The following SORBS2 variants were observed in gnomAD, a reference collection of about 807,000 sequenced individuals.
SORBS2 encodes the protein sorbin and SH3 domain containing 2.
Under a neutral mutation model 97.7 loss-of-function variants are expected in SORBS2, and 46 were observed. That is an observed-to-expected ratio of 0.47 (90% CI 0.37 to 0.60). The LOEUF (loss-of-function observed/expected upper bound fraction) is 0.60. Ranked by LOEUF, SORBS2 falls within the 20% of genes least tolerant of loss-of-function variation. SORBS2 has a pLI of 0.00. For missense variants in SORBS2, 1,316 were observed against 1,282.3 expected (o/e 1.03, Z -0.40); for synonymous variants, 476 against 473.4 (o/e 1.01, Z -0.07).
At chr4:185,874,770 G>GTGGAATTC (rs1158631713) in intron 1 of SORBS2, among the ~76,000 whole-genome samples, 3 of 151,338 alleles carry the variant, frequency 2.0e-5, no homozygotes, top group Non-Finnish European at 4.4e-5. Context: ...GGCTGGAATT[G>GTGGAATTC]TGTGAGTGAC....
At chr4:185,657,374 G>C (rs1280312334), upstream of SORBS2, 17 of 1,449,166 alleles carry the variant, frequency 1.2e-5, no homozygotes, top group Non-Finnish European at 1.5e-5. Flanking sequence ...TCCGTCCTTT[G>C]TGGAGTCTGT....
In SORBS2 at chr4:185,840,563, A is replaced by G. The variant is rs1451265910; in HGVS notation, c.-337-65197T>C. Among the ~76,000 whole-genome samples the G allele has an allele frequency of 2.0e-5, 3 of 152,286 alleles. No homozygotes were observed. The East Asian group carries it at 5.8e-4, about 29-fold the overall frequency. ...CTTCTTCTATCAAATCCAACTAGGCAGGAGGAAACAAGATGTGTGACTCTT... is the reference window on the plus strand; with the variant it reads ...CTTCTTCTATCAAATCCAACTAGGCGGGAGGAAACAAGATGTGTGACTCTT... On this transcript the variant is annotated intron_variant, in intron 1 of 20. Transcript: ENST00000284776.
chr4:185,948,727 A>G (rs1007039186), intron 1 of SORBS2, among the ~76,000 whole-genome samples: 2 of 151,980 alleles, frequency 1.3e-5, no homozygotes, highest in African/African-American at 4.8e-5. Flanking sequence ...CATGTTGGCC[A>G]GACTGGTCTT....
chr4:185,590,398 G>T (rs1201588807), intron 13 of SORBS2, among the ~76,000 whole-genome samples: 1 of 152,176 alleles, frequency 6.6e-6, no homozygotes, highest in African/African-American at 2.4e-5. Context: ...TAATGTTATG[G>T]TTTGGATCAG....
chr4:185,848,434 T>G (rs1272753215), intron 1 of SORBS2, among the ~76,000 whole-genome samples: 1 of 152,140 alleles, frequency 6.6e-6, no homozygotes, highest in African/African-American at 2.4e-5. Flanking sequence ...TGTCAACAAC[T>G]GCTGTGACTG....
chr4:185,746,012 C>A (rs1431629550), intron 2 of SORBS2, among the ~76,000 whole-genome samples: 1 of 152,212 alleles, frequency 6.6e-6, no homozygotes, highest in Admixed American at 6.5e-5. Context: ...GAAAAGGAAG[C>A]AGCAGAAGAA....
intron 2 of SORBS2, among the ~76,000 whole-genome samples, chr4:185,703,539 A>G (rs1450480864): frequency 6.6e-6 from 1 of 152,174 alleles, no homozygotes; most frequent in African/African-American, 2.4e-5. Flanking sequence ...TTCTCATCAC[A>G]TTTTTCTTAC....
chr4:185,798,359 T>C (rs1226234379), intron 1 of SORBS2, among the ~76,000 whole-genome samples: 2 of 152,190 alleles, frequency 1.3e-5, no homozygotes, highest in African/African-American at 4.8e-5. Context: ...ATTGGCCCAA[T>C]ATCCTGGGTT....
At chr4:185,633,851 T>C (rs1293707796) in intron 4 of SORBS2, among the ~76,000 whole-genome samples, 1 of 152,070 alleles carries the variant, frequency 6.6e-6, no homozygotes, top group Non-Finnish European at 1.5e-5. Flanking sequence ...CCATTTCAGT[T>C]ATCTATGAAC....
At chr4:185,769,531 C>T (rs1026886232) in intron 2 of SORBS2, among the ~76,000 whole-genome samples, 41 of 152,276 alleles carry the variant, frequency 2.7e-4, no homozygotes, top group Middle Eastern at 3.4e-3. Context: ...GCTCTTGTTG[C>T]CCAGGCTGGA....
intron 1 of SORBS2, among the ~76,000 whole-genome samples, chr4:185,939,557 C>G (rs2099270807): frequency 6.6e-6 from 1 of 152,086 alleles, no homozygotes; most frequent in Non-Finnish European, 1.5e-5. Context: ...GTTGCCCAGG[C>G]TGGAGTGCGA....
chr4:185,838,985 A>C (rs74751081), intron 1 of SORBS2, among the ~76,000 whole-genome samples: 8,545 of 152,182 alleles, frequency 0.056, 361 homozygotes, highest in Middle Eastern at 0.088. Context: ...GCTGCTTTCC[A>C]TGGGGCATAA....
chr4:185,897,642 T>C (rs2099245685), intron 1 of SORBS2, among the ~76,000 whole-genome samples: 1 of 152,158 alleles, frequency 6.6e-6, no homozygotes, highest in African/African-American at 2.4e-5. Context: ...CCATAACTAC[T>C]GCAGTCTGAA....
At chr4:185,876,976 C>T (rs2099234025) in intron 1 of SORBS2, among the ~76,000 whole-genome samples, 1 of 152,156 alleles carries the variant, frequency 6.6e-6, no homozygotes, top group Non-Finnish European at 1.5e-5. Flanking sequence ...TGCTTTTAGT[C>T]ATGGTTGTAG....
intron 2 of SORBS2, among the ~76,000 whole-genome samples, chr4:185,763,925 C>T (rs888121664): frequency 3.9e-5 from 6 of 152,072 alleles, no homozygotes; most frequent in African/African-American, 1.4e-4. Context: ...GAATAAAAAT[C>T]CTCAAAATTA....
At chr4:185,843,828 C>A (rs2099212991) in intron 1 of SORBS2, among the ~76,000 whole-genome samples, 1 of 152,164 alleles carries the variant, frequency 6.6e-6, no homozygotes. Context: ...ATTCAATTTC[C>A]ATCAAAATCC....
intron 1 of SORBS2, among the ~76,000 whole-genome samples, chr4:185,829,129 G>A (rs995378845): frequency 1.3e-5 from 2 of 152,010 alleles, no homozygotes; most frequent in African/African-American, 2.4e-5. Flanking sequence ...CTCTTCAATT[G>A]CGAAGATTGC....
At chr4:185,591,708 C>T (rs2095941294) in intron 13 of SORBS2, among the ~76,000 whole-genome samples, 1 of 152,152 alleles carries the variant, frequency 6.6e-6, no homozygotes, top group African/African-American at 2.4e-5. Context: ...TTGAGCTTCT[C>T]AGGCTTGAAC....
chr4:185,928,659 C>T (rs1239196870), intron 1 of SORBS2, among the ~76,000 whole-genome samples: 1 of 152,094 alleles, frequency 6.6e-6, no homozygotes, highest in Non-Finnish European at 1.5e-5. Flanking sequence ...CATTCTCCTG[C>T]CTCATCCTCC....
Sources: allele counts gnomAD v4.1 joint callset (sites outside exome capture counted in the v4.1 genomes callset), GRCh38; gene constraint gnomAD v4.1.1; transcripts MANE v1.5; gene names NCBI Gene and HGNC (gene_info 2026-07-23, HGNC 2026-07-21).